Variants in SEC16A observed in about 807,000 individuals in gnomAD.
SEC16A encodes protein transport protein Sec16A.
SEC16A carries 110 observed loss-of-function variants against 221.9 expected under a neutral mutation model. The observed-to-expected ratio is 0.50, with a 90% CI of 0.42 to 0.58. SEC16A has a LOEUF of 0.58. SEC16A is among the 20% of genes least tolerant of loss of function. The pLI is 0.00. For missense variants in SEC16A, 3,165 were observed against 3,097.8 expected (o/e 1.02, Z -0.52); for synonymous variants, 1,393 against 1,257.7 (o/e 1.11, Z -2.28).
intron 9 of SEC16A, among the ~76,000 whole-genome samples, chr9:136,464,063 G>A (rs555818977): frequency 1.3e-5 from 2 of 152,220 alleles, no homozygotes; most frequent in Admixed American, 6.5e-5. Flanking sequence ...CCTCGGCAGC[G>A]CCGTGCACGT....
chr9:136,455,654 A>T lies in SEC16A; in HGVS notation c.5804T>A (p.Val1935Glu). The T allele has an allele frequency of 1.3e-6, 2 of 1,591,414 alleles. No individual in the cohort carries two copies. Among genetic ancestry groups the T allele is most frequent in the Non-Finnish European group, 1.7e-6 (2 of 1,170,146 alleles). ...CGAGTGCTCAGGGCTCGGTGCAGGC[A>T]CCGCCAGCAGAGGGTTGGCGATCCC... ...ALGIANPLLA[V>E]PAPSPEHSSP... Residue 1935 changes from valine (V) to glutamate (E), a missense_variant, in exon 20 of 32, where the codon GTG (valine) becomes GAG (glutamate). Around this residue, in one of 3 missense-constraint regions of SEC16A, gnomAD observed 1,088 missense variants for 1,089.6 expected, o/e 1.00. Transcript: ENST00000684901.
chr9:136,447,197 C>G lies in SEC16A; in HGVS notation c.6697+30G>C. ...CAAAGGTCAGGAGACTGGGGGCTGA[C>G]CTGGAGGGGCTGGTGCTCGTGCTAC... On this transcript the variant is annotated intron_variant, in intron 27 of 31. Coordinates refer to ENST00000684901, the MANE Select transcript of SEC16A (RefSeq NM_014866.2). The surrounding 1 kb of genome is among the most constrained non-coding windows in gnomAD (Gnocchi z 5.5). The G allele has an allele frequency of 6.3e-7, 1 of 1,579,526 alleles. No homozygotes were observed. The highest frequency in any genetic ancestry group is 1.3e-5 in the African/African-American group (1 of 74,382).
In SEC16A at chr9:136,441,683, G is replaced by A. The variant is rs564060567; in HGVS notation, c.*72C>T. 47 of 1,404,060 alleles carry A rather than the reference G, an allele frequency of 3.3e-5. No homozygotes were observed. The highest frequency in any genetic ancestry group is 9.2e-5 in the East Asian group (4 of 43,384). The allele number at this position is 1,404,060 out of a possible 1,614,324, so 87.0% of individuals were successfully genotyped here. A position where few individuals can be genotyped will look rare whatever the true frequency, so the allele number is the denominator to read the frequency against. ...TCCCTGGGGGCGGGACGGAGATCGCGGAGGTCGGTCGGGTTCTTCGGGGAG... is the reference window on the plus strand; with the variant it reads ...TCCCTGGGGGCGGGACGGAGATCGCAGAGGTCGGTCGGGTTCTTCGGGGAG... On this transcript the variant is annotated 3_prime_UTR_variant, in exon 32 of 32. Coordinates refer to ENST00000684901, the MANE Select transcript of SEC16A (RefSeq NM_014866.2).
intron 31 of SEC16A, among the ~76,000 whole-genome samples, chr9:136,442,386 G>A (rs1836312538): frequency 6.6e-6 from 1 of 152,234 alleles, no homozygotes; most frequent in Non-Finnish European, 1.5e-5. Context: ...TGGGAGCCTC[G>A]GCCTCGTTTG....
At position 136,474,482 on chromosome 9, in the gene SEC16A, G is replaced by C; in HGVS notation, c.3134C>G (p.Thr1045Arg). The change falls in exon 3 of 32, where the codon ACG becomes AGG. Residue 1045 changes from threonine to arginine, a missense_variant. Thr to Arg is a moderately conservative substitution (Grantham distance 71). This residue lies in a region of SEC16A where 2,030 missense variants were observed against 1,923.1 expected (regional missense o/e 1.06). Coordinates refer to ENST00000684901, the MANE Select transcript of SEC16A (RefSeq NM_014866.2). ...PNLDRFYQQV[T>R]KDAQGQPGLE... ...GCCAGGCTGGCCCTGGGCATCTTTC[G>C]TGACCTGCTGATAAAAACGGTCAAG... 1.9e-6 allele frequency: 3 copies of C among 1,613,064 alleles called. No homozygotes were observed. Among genetic ancestry groups the C allele is most frequent in the Non-Finnish European group, 2.5e-6 (3 of 1,179,882 alleles).
At chr9:136,463,627 G>C (rs760679157) in intron 10 of SEC16A, 26 bp from the exon 11 acceptor site, 2 of 1,613,630 alleles carry the variant, frequency 1.2e-6, no homozygotes, top group African/African-American at 1.3e-5. Flanking sequence ...ACAGTGAGCA[G>C]TGATGTCTGC....
Position 136,477,327 on chromosome 9 carries a change from T to C in SEC16A, c.289A>G (p.Thr97Ala). 1 of 1,613,824 alleles carries C rather than the reference T, an allele frequency of 6.2e-7. No homozygotes were observed. Among genetic ancestry groups the C allele is most frequent in the Non-Finnish European group, 8.5e-7 (1 of 1,179,866 alleles). Residue 97 changes from threonine (T) to alanine (A), a missense_variant, in exon 3 of 32, where the codon ACA becomes GCA. Around this residue, in one of 3 missense-constraint regions of SEC16A, gnomAD observed 2,030 missense variants for 1,923.1 expected, o/e 1.06. Coordinates refer to ENST00000684901, the MANE Select transcript of SEC16A (RefSeq NM_014866.2). ...CCCTGAGAGCTATCTCTGGCATGTG[T>C]GTGAGGAACAAGCAAACCGGGGTGC... ...SQHPGLLVPH[T>A]HARDSSQGPC... is the part of the protein sequence containing the mutation.
Position 136,467,066 on chromosome 9 carries a change from G to T in SEC16A, c.3820C>A (p.Arg1274Ser). 1 of 1,613,724 alleles carries T rather than the reference G, an allele frequency of 6.2e-7. No homozygotes were observed. The highest frequency in any genetic ancestry group is 2.2e-5 in the East Asian group (1 of 44,886). ...YDYGDPGHWD[R>S]YHYSARVRDP... ...CTGACTCTAGCACTGTAGTGGTAACGATCCCAGTGACCTGGATCTGTGAGC... is the reference window on the plus strand; with the variant it reads ...CTGACTCTAGCACTGTAGTGGTAACTATCCCAGTGACCTGGATCTGTGAGC... The change falls in exon 6 of 32, where the codon CGT becomes AGT. Residue 1274 changes from arginine (R) to serine (S), a missense_variant. Transcript: ENST00000684901.
chr9:136,478,108 T>G (rs532789999), intron 2 of SEC16A, among the ~76,000 whole-genome samples: 1 of 152,276 alleles, frequency 6.6e-6, no homozygotes, highest in East Asian at 1.9e-4. Flanking sequence ...ACTCTTCTAT[T>G]AAGAAAGAAA....
intron 29 of SEC16A, among the ~76,000 whole-genome samples, chr9:136,445,371 C>G (rs1283361782): frequency 6.6e-6 from 1 of 152,196 alleles, no homozygotes; most frequent in Non-Finnish European, 1.5e-5. Flanking sequence ...CTCCTGACAC[C>G]TCACAATTCA....
At position 136,474,373 on chromosome 9, in the gene SEC16A, C is replaced by T. The variant is rs1386417617; in HGVS notation, c.3243G>A (p.Leu1081=). 6.2e-7 allele frequency: 1 copy of T among 1,612,674 alleles called. No individual in the cohort carries two copies. The highest frequency in any genetic ancestry group is 8.5e-7 in the Non-Finnish European group (1 of 1,179,872). ...GTGCGGGCAGACTTTCTGGATTTGACAGCTCCGAAAACATGGCTTTGGGTA... is the reference window on the plus strand; with the variant it reads ...GTGCGGGCAGACTTTCTGGATTTGATAGCTCCGAAAACATGGCTTTGGGTA... ...PQLPKAMFSE[L]SNPESLPAQG... The change falls in exon 3 of 32, where the codon CTG becomes CTA. Residue 1081 remains leucine, a synonymous_variant. Transcript: ENST00000684901.
At position 136,455,561 on chromosome 9, in the gene SEC16A, G is replaced by C. The variant is rs994269028; in HGVS notation, c.5857+40C>G. ...GCCATGGCTCAGCCCACAGGAAGCA[G>C]GGGCTTGTCTGAGGGCAGCAGCCGC... On this transcript the variant is annotated intron_variant, in intron 20 of 31. Transcript: ENST00000684901. The C allele has an allele frequency of 2.0e-6, 3 of 1,506,000 alleles. No homozygotes were observed. The African/African-American group carries it at 4.1e-5, about 21-fold the overall frequency. The allele number at this position is 1,506,000 out of a possible 1,614,324, so 93.3% of individuals were successfully genotyped here. A position where few individuals can be genotyped will look rare whatever the true frequency, so the allele number is the denominator to read the frequency against.
At chr9:136,468,189 CTAAGAT>C (rs1326269710) in intron 5 of SEC16A, among the ~76,000 whole-genome samples, 2 of 152,184 alleles carry the variant, frequency 1.3e-5, no homozygotes, top group Non-Finnish European at 2.9e-5. Context: ...TGCACTCATG[CTAAGAT>C]TAAGATGTAA....
Position 136,459,409 on chromosome 9 carries a change from A to C in SEC16A, c.5303+35T>G. 1 of 1,519,576 alleles carries C rather than the reference A, an allele frequency of 6.6e-7. No homozygotes were observed. The highest frequency in any genetic ancestry group is 1.2e-5 in the South Asian group (1 of 83,700). 94.1% of individuals were successfully genotyped at this position (1,519,576 alleles called of 1,614,324 possible). A position where few individuals can be genotyped will look rare whatever the true frequency, so the allele number is the denominator to read the frequency against. ...AAGGATTTTGTTTTACTTTGAAAGG[A>C]AAACTTACAGGACTACACTGACTTG... On this transcript the variant is annotated intron_variant, in intron 16 of 31. Coordinates refer to ENST00000684901, the MANE Select transcript of SEC16A (RefSeq NM_014866.2). The surrounding 1 kb of genome is among the most constrained non-coding windows in gnomAD (Gnocchi z 6.1).
chr9:136,459,927 T>A lies in SEC16A; in HGVS notation c.5074-53A>T. On this transcript the variant is annotated intron_variant, in intron 14 of 31. Coordinates refer to ENST00000684901, the MANE Select transcript of SEC16A (RefSeq NM_014866.2). The surrounding 1 kb of genome is among the most constrained non-coding windows in gnomAD (Gnocchi z 6.1). ...CTCATCCCCGGAAGCCAGCGCCATTTCAATTCCACACAGCTGGGCTCACCA... is the reference window on the plus strand; with the variant it reads ...CTCATCCCCGGAAGCCAGCGCCATTACAATTCCACACAGCTGGGCTCACCA... The A allele has an allele frequency of 6.4e-7, 1 of 1,560,664 alleles. No individual in the cohort carries two copies. The highest frequency in any genetic ancestry group is 8.7e-7 in the Non-Finnish European group (1 of 1,143,980).
chr9:136,446,104 GT>G (rs900305729), intron 28 of SEC16A, among the ~76,000 whole-genome samples: 261 of 135,088 alleles, frequency 1.9e-3, no homozygotes, highest in Middle Eastern at 3.7e-3. Flanking sequence ...GTCTGAGCTG[GT>G]TTTTTTTTTT....
rs557969470 is a variant in SEC16A, at chr9:136,446,923, C to T, written c.6724G>A (p.Gly2242Arg). 9 of 1,613,740 alleles carry T rather than the reference C, an allele frequency of 5.6e-6. No individual in the cohort carries two copies. Among genetic ancestry groups the T allele is most frequent in the East Asian group, 2.2e-5 (1 of 44,882 alleles). ...PDAEEPQLPDGTGREGPAAAR... is the reference protein window; with the variant it reads ...PDAEEPQLPDRTGREGPAAAR... Reference sequence around the variant, plus strand: ...GCTGCAGGCCCTTCCCTGCCAGTCCCGTCTGGAAGCTGTGGTTCTTCTGCA... The same window carrying T: ...GCTGCAGGCCCTTCCCTGCCAGTCCTGTCTGGAAGCTGTGGTTCTTCTGCA... Residue 2242 changes from glycine (G) to arginine (R), a missense_variant, in exon 28 of 32, where the codon GGG becomes AGG. Physicochemically the swap from Gly to Arg is moderately radical, Grantham distance 125 (BLOSUM62 -2). Transcript: ENST00000684901.
chr9:136,465,455 A>G (rs1238189195), intron 8 of SEC16A, among the ~76,000 whole-genome samples: 1 of 152,264 alleles, frequency 6.6e-6, no homozygotes, highest in Admixed American at 6.5e-5. Flanking sequence ...CATCTCAAAA[A>G]AACCAAAAAA....
At chr9:136,448,506 G>C in intron 23 of SEC16A, 1 of 713,322 alleles carries the variant, frequency 1.4e-6, no homozygotes, top group Non-Finnish European at 2.6e-6. Flanking sequence ...CAGATCCACA[G>C]AGACACCAGG....
Sources: gnomAD v4.1 joint callset for allele counts (sites outside exome capture counted in the v4.1 genomes callset) on GRCh38, gnomAD v4.1.1 for gene constraint, gnomAD v4.1.1 regional missense constraint, Gnocchi (gnomAD v3.1) non-coding constraint, MANE v1.5 for transcripts, NCBI Gene and HGNC (gene_info 2026-07-23, HGNC 2026-07-21) for gene names.